GNG7: variants seen among roughly 807,000 people sequenced by gnomAD.
The protein encoded by GNG7 is guanine nucleotide-binding protein G(I)/G(S)/G(O) subunit gamma-7.
A neutral mutation model predicts 4.0 loss-of-function variants in GNG7; 1 was observed. The ratio of observed to expected loss-of-function variants is 0.25; its 90% CI spans 0.09 to 1.18. The LOEUF is 1.18. Among genes scored for constraint, GNG7 ranks in the 50% most tolerant of loss-of-function variants. GNG7 has a pLI of 0.50. For synonymous variants in GNG7, 34 were observed against 36.9 expected, an observed-to-expected ratio of 0.92 and a Z score of 0.29; for missense variants, 86 against 91.9, an observed-to-expected ratio of 0.94 and a Z score of 0.26.
chr19:2,655,137 T>C (rs1982932194), intron 1 of GNG7, among the ~76,000 whole-genome samples: 1 of 145,176 alleles, frequency 6.9e-6, no homozygotes, highest in Admixed American at 7.2e-5. Flanking sequence ...TACAGTGAGC[T>C]GAGATCACAC....
Position 2,638,741 on chromosome 19 carries a change from T to C in GNG7, c.-78+7483A>G, listed in dbSNP as rs898263725. Reference sequence around the variant, plus strand: ...TCCCTAGACATCTCCCAGCATCCCCTGGGGAGGGGAGGGGAGGGGAGGGTT... The same window carrying C: ...TCCCTAGACATCTCCCAGCATCCCCCGGGGAGGGGAGGGGAGGGGAGGGTT... On this transcript the variant is annotated intron_variant, in intron 2 of 4. Transcript: ENST00000382159. 1.1e-4 allele frequency among the ~76,000 whole-genome samples: 8 copies of C among 74,322 alleles called. No individual in the cohort carries two copies. The Admixed American group carries it at 1.1e-3, about 10-fold the overall frequency. The allele number at this position is 74,322 out of a possible 152,430, so 48.8% of individuals were successfully genotyped here.
At chr19:2,636,818 AAG>A (rs975537604) in intron 2 of GNG7, among the ~76,000 whole-genome samples, 1 of 152,130 alleles carries the variant, frequency 6.6e-6, no homozygotes, top group African/African-American at 2.4e-5. Context: ...ACAGAGCTTA[AAG>A]AGGGGCTCGG....
At chr19:2,649,753 G>T (rs1231428657) in intron 1 of GNG7, among the ~76,000 whole-genome samples, 1 of 152,126 alleles carries the variant, frequency 6.6e-6, no homozygotes, top group African/African-American at 2.4e-5. Context: ...TCGCCCACTT[G>T]AAGTGTATAA....
intron 1 of GNG7, among the ~76,000 whole-genome samples, chr19:2,679,705 T>G (rs975831099): frequency 2.0e-5 from 3 of 152,120 alleles, no homozygotes; most frequent in African/African-American, 7.2e-5. Context: ...TTTTTACATA[T>G]CCTATTCCCC....
intron 1 of GNG7, among the ~76,000 whole-genome samples, chr19:2,676,115 C>G (rs1048008955): frequency 9.2e-5 from 14 of 152,210 alleles, no homozygotes; most frequent in Non-Finnish European, 1.9e-4. Flanking sequence ...CGCCAAGAAC[C>G]GCCGGCCACT....
chr19:2,544,708 G>C (rs1979068631), intron 3 of GNG7, among the ~76,000 whole-genome samples: 1 of 151,844 alleles, frequency 6.6e-6, no homozygotes, highest in Non-Finnish European at 1.5e-5. Context: ...GCTCTTAATT[G>C]GGGGGGTGGG....
At chr19:2,646,920 G>A (rs1345248091) in intron 1 of GNG7, among the ~76,000 whole-genome samples, 5 of 152,164 alleles carry the variant, frequency 3.3e-5, no homozygotes, top group Non-Finnish European at 7.4e-5. Flanking sequence ...GTCCCACGGT[G>A]CCCAGAAGGC....
At chr19:2,692,198 T>A (rs1368531946) in intron 1 of GNG7, among the ~76,000 whole-genome samples, 1 of 151,706 alleles carries the variant, frequency 6.6e-6, no homozygotes, top group African/African-American at 2.4e-5. Context: ...GTCCAGGCCT[T>A]ACTTTCCGAC....
At chr19:2,528,408 TAAA>T (rs1197788787) in intron 3 of GNG7, among the ~76,000 whole-genome samples, 1 of 99,336 alleles carries the variant, frequency 1.0e-5, no homozygotes. Context: ...CTGTCTCTAC[TAAA>T]AAAAAAAAAA....
At chr19:2,585,153 G>T (rs1003532991) in intron 2 of GNG7, among the ~76,000 whole-genome samples, 2 of 151,962 alleles carry the variant, frequency 1.3e-5, no homozygotes, top group African/African-American at 4.8e-5. Flanking sequence ...CTTGTTCTTA[G>T]AAAATATCCA....
At chr19:2,568,362 C>T (rs548512344) in intron 2 of GNG7, among the ~76,000 whole-genome samples, 11 of 151,342 alleles carry the variant, frequency 7.3e-5, no homozygotes, top group African/African-American at 2.7e-4. Context: ...CACACGTGCA[C>T]ATACACACAT....
chr19:2,630,224 GCC>G (rs907179653), intron 2 of GNG7, among the ~76,000 whole-genome samples: 2 of 152,004 alleles, frequency 1.3e-5, no homozygotes, highest in Non-Finnish European at 2.9e-5. Flanking sequence ...CCGAACGCAG[GCC>G]CCCCCTTCCC....
chr19:2,617,254 C>G lies in GNG7; in HGVS notation c.-78+28970G>C, dbSNP rs1418655017. Among the ~76,000 whole-genome samples the G allele has an allele frequency of 6.6e-6, 1 of 152,148 alleles. No homozygotes were observed. The highest frequency in any genetic ancestry group is 1.5e-5 in the Non-Finnish European group (1 of 68,012). The stretch of plus-strand genomic sequence containing the variant: ...GATGTCCCCAGATATCACCCAGAGT[C>G]CCCTGGAGGCAAACCTGTCCCACTT... On this transcript the variant is annotated intron_variant, in intron 2 of 4. Transcript: ENST00000382159. The surrounding 1 kb of genome is among the most constrained non-coding windows in gnomAD (Gnocchi z 4.7).
chr19:2,693,579 C>T (rs958871973), intron 1 of GNG7, among the ~76,000 whole-genome samples: 1 of 152,150 alleles, frequency 6.6e-6, no homozygotes, highest in Non-Finnish European at 1.5e-5. Context: ...CAGGGTCTCT[C>T]CCCTGGGCAC....
intron 2 of GNG7, among the ~76,000 whole-genome samples, chr19:2,607,593 G>A (rs911403695): frequency 5.8e-5 from 8 of 137,528 alleles, no homozygotes; most frequent in East Asian, 2.1e-4. Context: ...AGAAAGAAAA[G>A]AAAAAAGAAA....
chr19:2,692,583 C>T (rs1362129601), intron 1 of GNG7, among the ~76,000 whole-genome samples: 2 of 148,282 alleles, frequency 1.3e-5, no homozygotes, highest in South Asian at 4.3e-4. Flanking sequence ...TGCAGTGAGC[C>T]GAGATCGCGC....
chr19:2,568,380 C>A (rs1167204543), intron 2 of GNG7, among the ~76,000 whole-genome samples: 1 of 146,104 alleles, frequency 6.8e-6, no homozygotes, highest in Admixed American at 7.0e-5. Context: ...CATATAGACA[C>A]ACATATACAA....
At chr19:2,524,844 C>T (rs1978343333) in intron 3 of GNG7, among the ~76,000 whole-genome samples, 2 of 152,182 alleles carry the variant, frequency 1.3e-5, no homozygotes, top group African/African-American at 4.8e-5. Context: ...GTGTACGTCA[C>T]TGTAGGTGCG....
chr19:2,515,901 A>C (rs1972728926), intron 4 of GNG7, among the ~76,000 whole-genome samples: 1 of 151,842 alleles, frequency 6.6e-6, no homozygotes, highest in Admixed American at 6.6e-5. Flanking sequence ...ACTATATTAA[A>C]TATCACTAGT....
Sources: gnomAD v4.1 joint callset for allele counts (sites outside exome capture counted in the v4.1 genomes callset) on GRCh38, gnomAD v4.1.1 for gene constraint, Gnocchi (gnomAD v3.1) non-coding constraint, MANE v1.5 for transcripts, NCBI Gene and HGNC (gene_info 2026-07-23, HGNC 2026-07-21) for gene names.